ZNF469: variants seen among roughly 807,000 people sequenced by gnomAD.
The protein encoded by ZNF469 is zinc finger protein 469.
A neutral mutation model predicts 1.0 loss-of-function variants in ZNF469; 1 was observed. The ratio of observed to expected loss-of-function variants is 1.00; its 90% confidence interval spans 0.35 to 4.73. The LOEUF is 4.73. ZNF469 is among the 30% of genes most tolerant of loss of function. The pLI is 0.16. For synonymous variants in ZNF469, 2,703 were observed against 2,363.4 expected (o/e 1.14, Z -4.17); for missense variants, 6,100 against 5,356.3 (o/e 1.14, Z -4.33).
the ZNF469 span, among the ~76,000 whole-genome samples, chr16:88,186,403 C>T: frequency 6.6e-6 from 1 of 152,188 alleles, no homozygotes; most frequent in Admixed American, 6.5e-5. Context: ...TGCTCCTTTC[C>T]AGCAGGCCAG....
At chr16:88,274,312 A>G in the ZNF469 span, among the ~76,000 whole-genome samples, 1 of 152,178 alleles carries the variant, frequency 6.6e-6, no homozygotes, top group Non-Finnish European at 1.5e-5. Context: ...AGCTGAAGAG[A>G]GTTCTGTGGA....
the ZNF469 span, among the ~76,000 whole-genome samples, chr16:88,260,630 C>T: frequency 2.0e-5 from 3 of 152,172 alleles, no homozygotes; most frequent in Admixed American, 6.5e-5. This position sits in a 1 kb window ranked among gnomAD's most constrained non-coding sequence, Gnocchi z 4.1. Context: ...ATCATGCTCG[C>T]GGCTCCGTGT....
the ZNF469 span, among the ~76,000 whole-genome samples, chr16:88,176,583 A>G: frequency 6.6e-6 from 1 of 152,230 alleles, no homozygotes; most frequent in Non-Finnish European, 1.5e-5. Flanking sequence ...CCATGAAATT[A>G]AAGAGCTGCT....
At position 88,438,451 on chromosome 16, in the gene ZNF469, C is replaced by G. The variant is rs1050476269; in HGVS notation, c.10981C>G (p.Pro3661Ala). 15 of 1,549,854 alleles carry G rather than the reference C, an allele frequency of 9.7e-6. No homozygotes were observed. The highest frequency in any genetic ancestry group is 5.5e-5 in the African/African-American group (4 of 73,038). ...AAGCCACATGGTGTCTGAGGGGGGG[C>G]CCCGAGGCGCCTTCCACAAGGGCAG... ...SSSHMVSEGGPRGAFHKGSAT... is the reference protein window; with the variant it reads ...SSSHMVSEGGARGAFHKGSAT... Residue 3661 changes from proline (P) to alanine (A), a missense_variant, in exon 3 of 3, where the codon CCC becomes GCC. Transcript: ENST00000565624.
chr16:88,218,349 G>A, the ZNF469 span, among the ~76,000 whole-genome samples: 1 of 149,946 alleles, frequency 6.7e-6, no homozygotes, highest in Admixed American at 6.6e-5. Context: ...TTAGCCCTTT[G>A]TCAGATGAGT....
the ZNF469 span, among the ~76,000 whole-genome samples, chr16:88,113,996 A>G: frequency 2.0e-5 from 3 of 152,164 alleles, no homozygotes; most frequent in African/African-American, 2.4e-5. Context: ...CTGTGGTCCC[A>G]TGATGTCCGG....
At chr16:88,140,650 G>T in the ZNF469 span, among the ~76,000 whole-genome samples, 1 of 152,228 alleles carries the variant, frequency 6.6e-6, no homozygotes, top group South Asian at 2.1e-4. Context: ...TTTAAATTGA[G>T]GCCAGGCGCA....
chr16:88,198,890 C>T, the ZNF469 span, among the ~76,000 whole-genome samples: 2 of 152,336 alleles, frequency 1.3e-5, no homozygotes, highest in South Asian at 2.1e-4. Context: ...ATTGGGTCAG[C>T]GTTAGCCCCG....
At chr16:88,361,900 G>C in the ZNF469 span, among the ~76,000 whole-genome samples, 1 of 152,186 alleles carries the variant, frequency 6.6e-6, no homozygotes, top group Non-Finnish European at 1.5e-5. Context: ...TTGTGCCTGT[G>C]TCATTGGTTG....
the ZNF469 span, among the ~76,000 whole-genome samples, chr16:88,327,974 C>G: frequency 6.6e-6 from 1 of 152,240 alleles, no homozygotes; most frequent in Non-Finnish European, 1.5e-5. Flanking sequence ...CACCTGCTGT[C>G]CCAGCCAATG....
the ZNF469 span, among the ~76,000 whole-genome samples, chr16:88,368,506 C>G: frequency 1.3e-5 from 2 of 152,176 alleles, no homozygotes; most frequent in African/African-American, 4.8e-5. Context: ...CTGGGAGCAG[C>G]CTCTGGGGAG....
chr16:88,132,697 T>C, the ZNF469 span, among the ~76,000 whole-genome samples: 146,735 of 152,288 alleles, frequency 0.96, 70,593 homozygotes, highest in Non-Finnish European at 1. Context: ...TCAAACTAAA[T>C]GGAGACATAA....
chr16:88,132,086 G>A, the ZNF469 span, among the ~76,000 whole-genome samples: 2 of 152,166 alleles, frequency 1.3e-5, no homozygotes, highest in African/African-American at 2.4e-5. Flanking sequence ...CCGATGCTTC[G>A]TGGCCACTCT....
chr16:88,354,428 C>A, the ZNF469 span, among the ~76,000 whole-genome samples: 1 of 152,120 alleles, frequency 6.6e-6, no homozygotes, highest in African/African-American at 2.4e-5. Flanking sequence ...AGAGTGGTTA[C>A]CAGCTCGTGC....
At chr16:88,187,905 T>A in the ZNF469 span, among the ~76,000 whole-genome samples, 2 of 152,070 alleles carry the variant, frequency 1.3e-5, no homozygotes, top group Non-Finnish European at 1.5e-5. Context: ...TGTCTCTTTT[T>A]CCCCAGCAGG....
rs981284290 is a variant in ZNF469, at chr16:88,434,451, C to T, written c.6981C>T (p.Ser2327=). ...TNPDRMPRGH[S]SYSPSNTARL... is the part of the protein sequence containing the mutation. ...CTGACAGGATGCCCAGGGGCCACTC[C>T]TCGTATTCTCCAAGCAATACTGCCC... Residue 2327 remains serine, a synonymous_variant, in exon 3 of 3, where the codon TCC becomes TCT. Coordinates refer to ENST00000565624, the MANE Select transcript of ZNF469 (RefSeq NM_001367624.2). The T allele has an allele frequency of 5.8e-6, 9 of 1,549,636 alleles. No homozygotes were observed. The Admixed American group carries it at 1.4e-4, about 24-fold the overall frequency.
At chr16:88,302,245 T>G in the ZNF469 span, among the ~76,000 whole-genome samples, 2 of 152,190 alleles carry the variant, frequency 1.3e-5, no homozygotes, top group Non-Finnish European at 2.9e-5. Context: ...GCTGTCGGAG[T>G]GCTGGGAATC....
intron 1 of ZNF469, among the ~76,000 whole-genome samples, chr16:88,405,047 C>T (rs1904989267): frequency 6.6e-6 from 1 of 152,146 alleles, no homozygotes; most frequent in Admixed American, 6.5e-5. Context: ...GGTCAGCCCT[C>T]CCGGAACCAC....
the ZNF469 span, among the ~76,000 whole-genome samples, chr16:88,216,976 C>T: frequency 6.6e-6 from 1 of 151,948 alleles, no homozygotes; most frequent in African/African-American, 2.4e-5. Context: ...TGAATTTCTT[C>T]ATCTGTTCCT....
Sources: allele counts gnomAD v4.1 joint callset (sites outside exome capture counted in the v4.1 genomes callset), GRCh38; gene constraint gnomAD v4.1.1; non-coding constraint Gnocchi (gnomAD v3.1); transcripts MANE v1.5; gene names NCBI Gene and HGNC (gene_info 2026-07-23, HGNC 2026-07-21).